SHISA6: variants seen among roughly 807,000 people sequenced by gnomAD.
SHISA6 encodes shisa family member 6.
Under a neutral mutation model 47.9 loss-of-function variants are expected in SHISA6, and 22 were observed. The ratio of observed to expected loss-of-function variants is 0.46; its 90% CI spans 0.33 to 0.66. The LOEUF is 0.66. SHISA6 is among the 30% of genes least tolerant of loss of function. The probability of loss-of-function intolerance (pLI) is 0.02; values close to 1 mark genes in which losing one functional copy is unlikely to be tolerated. For missense variants in SHISA6, 680 were observed against 764.6 expected (o/e 0.89, Z 1.30); for synonymous variants, 388 against 337.8 (o/e 1.15, Z -1.63).
At chr17:11,471,561 C>CTGCTCAGAGGAAGCCTT (rs1915935904) in intron 3 of SHISA6, among the ~76,000 whole-genome samples, 1 of 152,202 alleles carries the variant, frequency 6.6e-6, no homozygotes, top group Non-Finnish European at 1.5e-5. Flanking sequence ...CAAATGTCAT[C>CTGCTCAGAGGAAGCCTT]TGCTCAGAGG....
intron 3 of SHISA6, among the ~76,000 whole-genome samples, chr17:11,534,983 C>A (rs2071772956): frequency 6.6e-6 from 1 of 151,946 alleles, no homozygotes; most frequent in Non-Finnish European, 1.5e-5. Flanking sequence ...CAAAAATTAG[C>A]CATGCGTGGT....
intron 3 of SHISA6, among the ~76,000 whole-genome samples, chr17:11,439,033 A>G (rs1339084407): frequency 6.6e-6 from 1 of 152,074 alleles, no homozygotes; most frequent in Non-Finnish European, 1.5e-5. Context: ...CTGATATTAC[A>G]GGGGGTTCTG....
At chr17:11,344,273 T>C (rs983296488) in intron 2 of SHISA6, among the ~76,000 whole-genome samples, 47 of 152,338 alleles carry the variant, frequency 3.1e-4, no homozygotes, top group Non-Finnish European at 5.7e-4. Flanking sequence ...TTCTGTAAGT[T>C]GTCTTTTAAC....
chr17:11,293,915 C>G (rs1220351098), intron 2 of SHISA6, among the ~76,000 whole-genome samples: 1 of 151,706 alleles, frequency 6.6e-6, no homozygotes, highest in African/African-American at 2.4e-5. Flanking sequence ...GAGATGGAGT[C>G]TCACTCTCTC....
chr17:11,277,270 TCTCTCTCTCTCACA>T (rs759050506), intron 2 of SHISA6, among the ~76,000 whole-genome samples: 14,501 of 111,972 alleles, frequency 0.13, 769 homozygotes, highest in East Asian at 0.29. Flanking sequence ...TCTCTCTCTC[TCTCTCTCTCTCACA>T]CACACACACA....
intron 2 of SHISA6, among the ~76,000 whole-genome samples, chr17:11,373,044 A>C (rs1294531848): frequency 6.6e-6 from 1 of 151,798 alleles, no homozygotes; most frequent in East Asian, 1.9e-4. Context: ...AACTCGTTAA[A>C]TGCTTAAAAA....
At chr17:11,556,135 C>T (rs1312278496) in intron 5 of SHISA6, among the ~76,000 whole-genome samples, 2 of 152,170 alleles carry the variant, frequency 1.3e-5, no homozygotes, top group Non-Finnish European at 2.9e-5. Flanking sequence ...CTATAGGAGA[C>T]GGCCTTCCAA....
chr17:11,421,564 C>G (rs1210482141), intron 3 of SHISA6, among the ~76,000 whole-genome samples: 6 of 152,222 alleles, frequency 3.9e-5, no homozygotes, highest in African/African-American at 1.4e-4. Flanking sequence ...AGCACGAAGA[C>G]ATGATACACC....
At chr17:11,264,323 C>T (rs1017148056) in intron 2 of SHISA6, among the ~76,000 whole-genome samples, 12 of 152,152 alleles carry the variant, frequency 7.9e-5, no homozygotes, top group Non-Finnish European at 1.6e-4. Context: ...ATATTATCCC[C>T]ATTTTGTGTG....
At chr17:11,350,874 G>A (rs540871482) in intron 2 of SHISA6, among the ~76,000 whole-genome samples, 94 of 152,184 alleles carry the variant, frequency 6.2e-4, no homozygotes, top group African/African-American at 2.1e-3. Context: ...TTACAATAGC[G>A]AAGACTTGGA....
At chr17:11,525,148 T>G (rs780295115) in intron 3 of SHISA6, among the ~76,000 whole-genome samples, 1 of 152,156 alleles carries the variant, frequency 6.6e-6, no homozygotes, top group Non-Finnish European at 1.5e-5. Flanking sequence ...GGGATAGAAT[T>G]AAGCTGAATT....
At chr17:11,279,190 C>T (rs1909035870) in intron 2 of SHISA6, among the ~76,000 whole-genome samples, 1 of 152,176 alleles carries the variant, frequency 6.6e-6, no homozygotes, top group Admixed American at 6.5e-5. Flanking sequence ...CGGGCCACAA[C>T]TTCAGCTCCA....
intron 3 of SHISA6, among the ~76,000 whole-genome samples, chr17:11,551,671 GT>G (rs1305488071): frequency 5.3e-5 from 8 of 152,136 alleles, no homozygotes; most frequent in Admixed American, 5.2e-4. Context: ...ATCCCGAGAT[GT>G]GGGTGGGTCA....
chr17:11,351,115 G>A (rs571580495), intron 2 of SHISA6, among the ~76,000 whole-genome samples: 33 of 152,154 alleles, frequency 2.2e-4, no homozygotes, highest in Non-Finnish European at 4.1e-4. Context: ...CACAGGGAGG[G>A]GAACATCACA....
chr17:11,555,728 C>A lies in SHISA6; in HGVS notation c.953-12C>A. ...CCTCATTAATACAAAACACCCCTCCCTTTTCTTGCAGAGAAGCCACGGATG... is the reference window on the plus strand; with the variant it reads ...CCTCATTAATACAAAACACCCCTCCATTTTCTTGCAGAGAAGCCACGGATG... On this transcript the variant is annotated splice_polypyrimidine_tract_variant and intron_variant, in intron 4 of 5. Coordinates refer to ENST00000441885, the MANE Select transcript of SHISA6 (RefSeq NM_207386.4). 1 of 1,525,876 alleles carries A rather than the reference C, an allele frequency of 6.6e-7. No individual in the cohort carries two copies. The highest frequency in any genetic ancestry group is 8.8e-7 in the Non-Finnish European group (1 of 1,135,586). The allele number at this position is 1,525,876 out of a possible 1,614,324, so 94.5% of individuals were successfully genotyped here. A position where few individuals can be genotyped will look rare whatever the true frequency, so the allele number is the denominator to read the frequency against.
At chr17:11,439,826 G>A (rs190485898) in intron 3 of SHISA6, among the ~76,000 whole-genome samples, 126 of 152,222 alleles carry the variant, frequency 8.3e-4, no homozygotes, top group African/African-American at 2.6e-3. Context: ...TGCTTTTAGC[G>A]CTTTGGGGAG....
intron 3 of SHISA6, among the ~76,000 whole-genome samples, chr17:11,450,137 G>A (rs1366625042): frequency 6.6e-6 from 1 of 151,878 alleles, no homozygotes; most frequent in African/African-American, 2.4e-5. Flanking sequence ...CACCCGCCTC[G>A]GCCTCCCGAA....
At chr17:11,399,941 T>A (rs111573216) in intron 3 of SHISA6, among the ~76,000 whole-genome samples, 2 of 152,198 alleles carry the variant, frequency 1.3e-5, no homozygotes, top group African/African-American at 4.8e-5. Context: ...CTCCTTGCTA[T>A]TTTTTCTTCA....
At chr17:11,265,765 C>A (rs774083348) in intron 2 of SHISA6, among the ~76,000 whole-genome samples, 12 of 152,236 alleles carry the variant, frequency 7.9e-5, no homozygotes, top group Non-Finnish European at 1.6e-4. Context: ...GAGCTGGTTC[C>A]CCACTGCTGA....
Sources: gnomAD v4.1 joint callset for allele counts (sites outside exome capture counted in the v4.1 genomes callset) on GRCh38, gnomAD v4.1.1 for gene constraint, MANE v1.5 for transcripts, NCBI Gene and HGNC (gene_info 2026-07-23, HGNC 2026-07-21) for gene names.